ANKRD11: variants seen among roughly 807,000 people sequenced by gnomAD.
The protein encoded by ANKRD11 is ankyrin repeat domain-containing protein 11.
A neutral mutation model predicts 195.7 loss-of-function variants in ANKRD11; 17 were observed. The ratio of observed to expected loss-of-function variants is 0.09; its 90% CI spans 0.06 to 0.13. The LOEUF (loss-of-function observed/expected upper bound fraction) is 0.13, where lower values mean the gene tolerates loss of function less well. ANKRD11 is among the 10% of genes least tolerant of loss of function. The probability of loss-of-function intolerance (pLI) is 1.00; values close to 1 mark genes in which losing one functional copy is unlikely to be tolerated. For missense variants in ANKRD11, 3,735 were observed against 3,566.1 expected (o/e 1.05, Z -1.21); for synonymous variants, 1,953 against 1,528.1 (o/e 1.28, Z -6.49).
intron 1 of ANKRD11, among the ~76,000 whole-genome samples, chr16:89,424,864 AAATC>A (rs1274687058): frequency 1.3e-5 from 2 of 152,280 alleles, no homozygotes; most frequent in East Asian, 1.9e-4. Flanking sequence ...CACAGAACTC[AAATC>A]AATCAATCTC....
At chr16:89,390,724 G>A (rs1262764455) in intron 2 of ANKRD11, among the ~76,000 whole-genome samples, 1 of 152,174 alleles carries the variant, frequency 6.6e-6, no homozygotes, top group African/African-American at 2.4e-5. Context: ...GCACCCGTAA[G>A]TCCTGCAGAA....
intron 1 of ANKRD11, among the ~76,000 whole-genome samples, chr16:89,435,062 T>C (rs2043156140): frequency 6.6e-6 from 1 of 152,164 alleles, no homozygotes; most frequent in Admixed American, 6.5e-5. Flanking sequence ...GGGTGGGGAC[T>C]TGGAAAACTC....
intron 2 of ANKRD11, among the ~76,000 whole-genome samples, chr16:89,399,515 G>A (rs575887035): frequency 6.6e-6 from 1 of 152,168 alleles, no homozygotes; most frequent in African/African-American, 2.4e-5. Context: ...AGGGAGGGAC[G>A]GAGGGATGTG....
chr16:89,349,907 CACACATAT>C (rs764362332), intron 2 of ANKRD11, among the ~76,000 whole-genome samples: 3 of 123,588 alleles, frequency 2.4e-5, no homozygotes, highest in Non-Finnish European at 1.7e-5. Flanking sequence ...CACACACACA[CACACATAT>C]TCAAACAACA....
chr16:89,460,525 C>T (rs1203920326), intron 1 of ANKRD11, among the ~76,000 whole-genome samples: 1 of 152,154 alleles, frequency 6.6e-6, no homozygotes, highest in East Asian at 1.9e-4. Flanking sequence ...TGCCATTGCA[C>T]TCCAGCCTTG....
At chr16:89,293,148 A>G (rs1239216856) in intron 4 of ANKRD11, among the ~76,000 whole-genome samples, 3 of 152,132 alleles carry the variant, frequency 2.0e-5, no homozygotes, top group African/African-American at 7.2e-5. Context: ...AGCCACGCAC[A>G]TTCAGAGGCC....
In ANKRD11 at chr16:89,283,748, C is replaced by T; in HGVS notation, c.2794G>A (p.Gly932Ser). ...EQTEKHKSVP[G>S]YLSEKDKKRR... ...TTCTTGTCCTTTTCCGAAAGGTAGC[C>T]AGGGACACTTTTATGCTTTTCGGTC... Residue 932 changes from glycine to serine, a missense_variant, in exon 9 of 13, where the codon GGC becomes AGC. Gly to Ser is a moderately conservative substitution (Grantham distance 56). Coordinates refer to ENST00000301030, the MANE Select transcript of ANKRD11 (RefSeq NM_013275.6). The surrounding 1 kb of genome is among the most constrained non-coding windows in gnomAD (Gnocchi z 4.3). The T allele has an allele frequency of 6.2e-7, 1 of 1,613,604 alleles. No individual in the cohort carries two copies. Among genetic ancestry groups the T allele is most frequent in the Non-Finnish European group, 8.5e-7 (1 of 1,179,734 alleles).
At chr16:89,411,974 G>C (rs879561632) in intron 2 of ANKRD11, among the ~76,000 whole-genome samples, 363 of 108,782 alleles carry the variant, frequency 3.3e-3, no homozygotes, top group East Asian at 0.02. Context: ...CCTCAGCCAG[G>C]TACTGGGCTG....
chr16:89,396,858 TA>T (rs2041457807), intron 2 of ANKRD11, among the ~76,000 whole-genome samples: 1 of 152,178 alleles, frequency 6.6e-6, no homozygotes, highest in Admixed American at 6.5e-5. Flanking sequence ...GGCTAATTTT[TA>T]TATTTTTAGT....
Position 89,369,879 on chromosome 16 carries a change from T to G in ANKRD11, c.-60+48405A>C, listed in dbSNP as rs143775676. The stretch of plus-strand genomic sequence containing the variant: ...TGTACAAGGGACTGCTCCCTGTTCT[T>G]TCTTACATCTCATGTCATCTATGGT... On this transcript the variant is annotated intron_variant, in intron 2 of 12. Transcript: ENST00000301030. 3.0e-3 allele frequency among the ~76,000 whole-genome samples: 459 copies of G among 152,332 alleles called. 2 individuals carry two copies. Among genetic ancestry groups the G allele is most frequent in the Admixed American group, 3.8e-3 (58 of 15,306 alleles).
At chr16:89,371,064 T>C (rs551714329) in intron 2 of ANKRD11, among the ~76,000 whole-genome samples, 2 of 152,262 alleles carry the variant, frequency 1.3e-5, no homozygotes, top group Admixed American at 1.3e-4. Context: ...AGGGGACTTG[T>C]TCAGGTGAGA....
At chr16:89,470,000 G>C (rs1217441456) in intron 1 of ANKRD11, among the ~76,000 whole-genome samples, 1 of 150,594 alleles carries the variant, frequency 6.6e-6, no homozygotes, top group African/African-American at 2.4e-5. Context: ...CCACTTCCCG[G>C]GTTCACGCCA....
intron 2 of ANKRD11, among the ~76,000 whole-genome samples, chr16:89,327,005 G>GGGGGAATGCAGAGGT (rs1423968049): frequency 2.8e-4 from 38 of 137,648 alleles, no homozygotes; most frequent in Admixed American, 1.2e-3. Context: ...GGAATGCAGA[G>GGGGGAATGCAGAGGT]GGGGAATGCA....
chr16:89,337,135 G>A (rs762046900), intron 2 of ANKRD11, among the ~76,000 whole-genome samples: 1 of 151,530 alleles, frequency 6.6e-6, no homozygotes, highest in Non-Finnish European at 1.5e-5. Flanking sequence ...GCAGTGAGTT[G>A]AGATCACACC....
intron 1 of ANKRD11, among the ~76,000 whole-genome samples, chr16:89,442,920 G>C (rs980572331): frequency 6.6e-6 from 1 of 152,208 alleles, no homozygotes; most frequent in African/African-American, 2.4e-5. Flanking sequence ...CCCAGCCTCT[G>C]CCTCTTTCAT....
intron 2 of ANKRD11, among the ~76,000 whole-genome samples, chr16:89,387,544 G>A (rs1396528936): frequency 6.6e-6 from 1 of 151,846 alleles, no homozygotes; most frequent in Non-Finnish European, 1.5e-5. Flanking sequence ...GTGGTGGCGG[G>A]CGCCTGTACT....
chr16:89,399,985 G>A (rs1046101545), intron 2 of ANKRD11, among the ~76,000 whole-genome samples: 2 of 151,040 alleles, frequency 1.3e-5, no homozygotes, highest in African/African-American at 4.9e-5. Flanking sequence ...GGCTTCCTGC[G>A]CTGGGGGCCG....
At chr16:89,396,253 C>A (rs1041932609) in intron 2 of ANKRD11, among the ~76,000 whole-genome samples, 1 of 152,194 alleles carries the variant, frequency 6.6e-6, no homozygotes, top group African/African-American at 2.4e-5. Flanking sequence ...AGTGGATCCA[C>A]GTCGGGAGAT....
intron 1 of ANKRD11, among the ~76,000 whole-genome samples, chr16:89,464,337 G>T (rs1483020751): frequency 6.6e-6 from 1 of 151,788 alleles, no homozygotes. Context: ...GGCAGAGCGT[G>T]GTGGCTCACG....
Sources: allele counts gnomAD v4.1 joint callset (sites outside exome capture counted in the v4.1 genomes callset), GRCh38; gene constraint gnomAD v4.1.1; non-coding constraint Gnocchi (gnomAD v3.1); transcripts MANE v1.5; gene names NCBI Gene and HGNC (gene_info 2026-07-23, HGNC 2026-07-21).